Variants in LAMA3 observed in about 807,000 individuals in gnomAD.
The protein encoded by LAMA3 is laminin subunit alpha-3.
LAMA3 carries 281 observed loss-of-function variants against 402.0 expected under a neutral mutation model. The observed-to-expected ratio is 0.70, with a 90% CI of 0.63 to 0.77. LAMA3 has a LOEUF of 0.77. Ranked by LOEUF, LAMA3 falls within the 30% of genes least tolerant of loss-of-function variation. The pLI is 0.00. For synonymous variants in LAMA3, 1,431 were observed against 1,558.4 expected (o/e 0.92, Z 1.93); for missense variants, 3,840 against 4,215.5 (o/e 0.91, Z 2.47).
chr18:23,880,459 T>C (rs1032018789), intron 39 of LAMA3, among the ~76,000 whole-genome samples: 4 of 152,240 alleles, frequency 2.6e-5, no homozygotes, highest in African/African-American at 9.6e-5. Flanking sequence ...ATGGATTTGC[T>C]CAATCTGGAC....
chr18:23,817,724 C>CA (rs1568216178), intron 18 of LAMA3, among the ~76,000 whole-genome samples: 1 of 151,668 alleles, frequency 6.6e-6, no homozygotes, highest in African/African-American at 2.4e-5. Context: ...TTAATAAAAA[C>CA]AAAAAAAGTC....
At chr18:23,954,401 T>TA (rs11406615) in intron 74 of LAMA3, 102 bp from the exon 75 acceptor site, 213,917 of 655,154 alleles carry the variant, frequency 0.33, 19,701 homozygotes, top group Admixed American at 0.37. Flanking sequence ...GGACCCTGTC[T>TA]AAAAAAAAAA....
chr18:23,766,459 G>A (rs1484231788), intron 8 of LAMA3, among the ~76,000 whole-genome samples: 1 of 152,222 alleles, frequency 6.6e-6, no homozygotes, highest in Admixed American at 6.5e-5. Flanking sequence ...AGGTTAAAGA[G>A]AGGTAATACG....
rs61751701 is a variant in LAMA3 at position 23,827,453 on chromosome 18, C to T, written c.2809C>T (p.Leu937Phe). 2,076 of 1,614,150 alleles carry T rather than the reference C, an allele frequency of 1.3e-3. 4 individuals are homozygous for T. The highest frequency in any genetic ancestry group is 1.5e-3 in the Non-Finnish European group (1,795 of 1,180,038). Residue 937 changes from leucine (L) to phenylalanine (F), a missense_variant, in exon 23 of 75, where the codon CTC (leucine) becomes TTC (phenylalanine). By Grantham distance (22) the Leu-to-Phe change is conservative (BLOSUM62 0). Transcript: ENST00000313654. Reference protein sequence around the residue: ...PTPAHPVMVDLSGREVELHLR... With the variant: ...PTPAHPVMVDFSGREVELHLR... The stretch of plus-strand genomic sequence containing the variant: ...ACCTGCACACCCTGTCATGGTGGAC[C>T]TCAGCGGGAGAGAGGTGGGCCAGCC...
chr18:23,756,928 C>T (rs1859154614), intron 6 of LAMA3, among the ~76,000 whole-genome samples: 2 of 145,896 alleles, frequency 1.4e-5, no homozygotes, highest in African/African-American at 2.5e-5. Context: ...TCCCTGCCCC[C>T]GCCCCCCACT....
intron 67 of LAMA3, among the ~76,000 whole-genome samples, chr18:23,936,986 G>A (rs1389087484): frequency 6.6e-6 from 1 of 152,190 alleles, no homozygotes; most frequent in African/African-American, 2.4e-5. Flanking sequence ...TTACTAAGCT[G>A]GTAGCAGCCT....
At chr18:23,765,628 A>G (rs1310781553) in intron 8 of LAMA3, among the ~76,000 whole-genome samples, 1 of 152,188 alleles carries the variant, frequency 6.6e-6, no homozygotes, top group African/African-American at 2.4e-5. Context: ...AATAGGGACC[A>G]ATTCTGACAT....
intron 8 of LAMA3, among the ~76,000 whole-genome samples, chr18:23,770,202 A>G (rs753163318): frequency 1.3e-5 from 2 of 152,204 alleles, no homozygotes; most frequent in African/African-American, 4.8e-5. Flanking sequence ...AAAAACATCA[A>G]CAATAACCAT....
At chr18:23,730,647 A>G (rs563309848) in intron 2 of LAMA3, among the ~76,000 whole-genome samples, 3 of 152,200 alleles carry the variant, frequency 2.0e-5, no homozygotes, top group African/African-American at 7.2e-5. Context: ...GATTACAGGC[A>G]TGAACCACCG....
chr18:23,858,804 A>C lies in LAMA3; in HGVS notation c.4397A>C (p.His1466Pro), dbSNP rs773721971. ...TGTTTTGGAGTAAATAATCAATGTC[A>C]CAGCTCACATAAGCGAAGGACTAAG... ...CFCFGVNNQC[H>P]SSHKRRTKFV... The change falls in exon 34 of 75, where the codon CAC (histidine) becomes CCC (proline). Residue 1466 changes from histidine to proline, a missense_variant. Coordinates refer to ENST00000313654, the MANE Select transcript of LAMA3 (RefSeq NM_198129.4). 2 of 1,614,198 alleles carry C rather than the reference A, an allele frequency of 1.2e-6. No homozygotes were observed. The highest frequency in any genetic ancestry group is 1.7e-6 in the Non-Finnish European group (2 of 1,180,008).
chr18:23,735,177 C>T (rs1444544316), intron 2 of LAMA3, among the ~76,000 whole-genome samples: 3 of 152,332 alleles, frequency 2.0e-5, no homozygotes, highest in South Asian at 4.1e-4. Flanking sequence ...AGGCTCTCCC[C>T]GTTGTGCCAT....
intron 18 of LAMA3, among the ~76,000 whole-genome samples, chr18:23,819,093 G>A (rs2063231854): frequency 1.3e-5 from 2 of 151,664 alleles, no homozygotes; most frequent in South Asian, 4.2e-4. Context: ...TAGGAGCATG[G>A]CCTTTTATTT....
intron 67 of LAMA3, among the ~76,000 whole-genome samples, chr18:23,938,332 C>T (rs958871855): frequency 2.0e-5 from 3 of 152,088 alleles, no homozygotes; most frequent in Non-Finnish European, 4.4e-5. Flanking sequence ...CTGGGAAAAG[C>T]GCATGGGCAT....
At chr18:23,904,455 A>T in intron 50 of LAMA3, 98 bp from the exon 51 acceptor site, 1 of 1,281,584 alleles carries the variant, frequency 7.8e-7, no homozygotes, top group Non-Finnish European at 1.1e-6. Context: ...AAAAAAAAAG[A>T]AAGAAAAAAT....
intron 20 of LAMA3, 151 bp from the exon 21 acceptor site, chr18:23,824,272 A>G: frequency 1.3e-6 from 1 of 771,352 alleles, no homozygotes; most frequent in Non-Finnish European, 2.2e-6. Flanking sequence ...TTTGCATAGT[A>G]CAATTTTTAA....
intron 39 of LAMA3, among the ~76,000 whole-genome samples, chr18:23,877,907 C>T (rs903402665): frequency 2.6e-5 from 4 of 151,900 alleles, no homozygotes; most frequent in East Asian, 1.9e-4. Flanking sequence ...GTCAGGAGTT[C>T]GAGACCATTC....
chr18:23,703,976 G>GC (rs1316333512), intron 1 of LAMA3, among the ~76,000 whole-genome samples: 1 of 152,212 alleles, frequency 6.6e-6, no homozygotes, highest in African/African-American at 2.4e-5. Flanking sequence ...TAGGAAGGGA[G>GC]CCCAGGATGT....
Position 23,847,775 on chromosome 18 carries a change from C to T in LAMA3, c.4136+107C>T, listed in dbSNP as rs573089191. ...CCACTTCCCACCTGTCCAGGGGTGC[C>T]CTGTGTTGACCTCGGCATGAGCTTC... is the stretch of plus-strand genomic sequence containing the variant. On this transcript the variant is annotated intron_variant, in intron 32 of 74. Transcript: ENST00000313654. 2.9e-4 allele frequency: 326 copies of T among 1,127,850 alleles called. 3 individuals are homozygous for T. In the South Asian group the frequency reaches 4.3e-3, roughly 15 times the overall value. The allele number at this position is 1,127,850 out of a possible 1,614,324, so 69.9% of individuals were successfully genotyped here. A position where few individuals can be genotyped will look rare whatever the true frequency, so the allele number is the denominator to read the frequency against.
chr18:23,725,576 G>A (rs1382129252), intron 2 of LAMA3, among the ~76,000 whole-genome samples: 1 of 152,150 alleles, frequency 6.6e-6, no homozygotes, highest in Non-Finnish European at 1.5e-5. Flanking sequence ...CCCATAAGGG[G>A]GGCTCCAGCA....
Sources: gnomAD v4.1 joint callset for allele counts (sites outside exome capture counted in the v4.1 genomes callset) on GRCh38, gnomAD v4.1.1 for gene constraint, MANE v1.5 for transcripts, NCBI Gene and HGNC (gene_info 2026-07-23, HGNC 2026-07-21) for gene names.